Variants in NTN1 observed in about 807,000 individuals in gnomAD.
The protein encoded by NTN1 is netrin 1.
In NTN1, 11 loss-of-function variants were observed where a neutral mutation model predicts 54.2. The ratio of observed to expected loss-of-function variants is 0.20; its 90% CI spans 0.13 to 0.34. The LOEUF is 0.34. NTN1 is among the 10% of genes least tolerant of loss of function. The pLI is 1.00. For synonymous variants in NTN1, 371 were observed against 382.0 expected (o/e 0.97, Z 0.33); for missense variants, 740 against 893.1 (o/e 0.83, Z 2.18).
At chr17:9,069,740 G>A (rs2092026719) in intron 2 of NTN1, among the ~76,000 whole-genome samples, 1 of 152,142 alleles carries the variant, frequency 6.6e-6, no homozygotes, top group South Asian at 2.1e-4. Context: ...GGACAAGGTG[G>A]CAGGGGCTTC....
chr17:9,036,407 T>G, intron 2 of NTN1, among the ~76,000 whole-genome samples: 2 of 53,222 alleles, frequency 3.8e-5, no homozygotes, highest in South Asian at 7.2e-4. Flanking sequence ...TTTTTTTTTT[T>G]TTTGTAGAGA....
intron 2 of NTN1, 42 bp downstream of exon 2, chr17:9,023,433 G>C (rs1488513560): frequency 7.5e-7 from 1 of 1,342,014 alleles, no homozygotes; most frequent in Non-Finnish European, 9.5e-7. Context: ...GGGTGGGGCC[G>C]CGGGCGGGAG....
chr17:9,109,078 T>A (rs1217486409), intron 2 of NTN1, among the ~76,000 whole-genome samples: 3 of 152,162 alleles, frequency 2.0e-5, no homozygotes. Context: ...GGTTTCACCA[T>A]GTTGATCAGG....
At chr17:9,078,214 A>G (rs2092058388) in intron 2 of NTN1, among the ~76,000 whole-genome samples, 1 of 152,220 alleles carries the variant, frequency 6.6e-6, no homozygotes, top group Admixed American at 6.5e-5. Context: ...CTCACAGTCC[A>G]GTCTAGAGTT....
In NTN1 at chr17:9,221,342, G is replaced by A. The variant is rs530056890; in HGVS notation, c.1486+100G>A. The A allele has an allele frequency of 1.0e-3, 878 of 876,990 alleles. 10 individuals are homozygous for A. Among genetic ancestry groups the A allele is most frequent in the South Asian group, 4.8e-3 (359 of 75,564 alleles). 54.3% of individuals were successfully genotyped at this position (876,990 alleles called of 1,614,324 possible). On this transcript the variant is annotated intron_variant, in intron 6 of 6. Transcript: ENST00000173229. This position sits in a 1 kb window ranked among gnomAD's most constrained non-coding sequence, Gnocchi z 4.5. ...AGCTGGCCCCCGATGGGTGTTGGTCGTGAAGACCCTGTGACCGATGGGAAC... is the reference window on the plus strand; with the variant it reads ...AGCTGGCCCCCGATGGGTGTTGGTCATGAAGACCCTGTGACCGATGGGAAC...
At chr17:9,042,101 A>G (rs1444740725) in intron 2 of NTN1, among the ~76,000 whole-genome samples, 2 of 152,040 alleles carry the variant, frequency 1.3e-5, no homozygotes, top group African/African-American at 4.8e-5. Flanking sequence ...CTAGGACCCT[A>G]GAACCCACCA....
chr17:9,149,162 C>T (rs1318827976), intron 2 of NTN1, among the ~76,000 whole-genome samples: 3 of 152,060 alleles, frequency 2.0e-5, no homozygotes, highest in Non-Finnish European at 2.9e-5. Context: ...CAGGCTTGGC[C>T]GGCTTGGCTG....
rs549876098 is a variant in NTN1 at position 9,119,281 on chromosome 17, G to A, written c.1019-43532G>A. Among the ~76,000 whole-genome samples, 9 of 152,060 alleles carry A rather than the reference G, an allele frequency of 5.9e-5. No homozygotes were observed. The East Asian group carries it at 9.7e-4, about 16-fold the overall frequency. ...CGGCTCACTGCAACCTCTGCCTCCC[G>A]GGTTCAAGCAATTCTCCTGCCTCAG... is the stretch of plus-strand genomic sequence containing the variant. On this transcript the variant is annotated intron_variant, in intron 2 of 6. Coordinates refer to ENST00000173229, the MANE Select transcript of NTN1 (RefSeq NM_004822.3).
chr17:9,056,220 C>G (rs2091979051), intron 2 of NTN1, among the ~76,000 whole-genome samples: 1 of 152,206 alleles, frequency 6.6e-6, no homozygotes, highest in South Asian at 2.1e-4. Flanking sequence ...CCACACCTGG[C>G]TAATTTTTGT....
Position 9,172,293 on chromosome 17 carries a change from C to T in NTN1, c.1208-7514C>T, listed in dbSNP as rs982605791. On this transcript the variant is annotated intron_variant, in intron 3 of 6. Transcript: ENST00000173229. ...AGGGCAGATCACGAGGTCAGGAGAT[C>T]GAGACCATCCTGGGAAACATAGTGA... 1.1e-4 allele frequency among the ~76,000 whole-genome samples: 16 copies of T among 151,666 alleles called. 1 individual carries two copies. Among genetic ancestry groups the T allele is most frequent in the South Asian group, 2.1e-4 (1 of 4,794 alleles).
intron 2 of NTN1, among the ~76,000 whole-genome samples, chr17:9,075,426 G>A (rs1449302407): frequency 6.6e-6 from 1 of 152,162 alleles, no homozygotes; most frequent in Non-Finnish European, 1.5e-5. Flanking sequence ...AGGTTGTAGT[G>A]AGCCAAGATC....
chr17:9,072,574 G>A (rs1345196836), intron 2 of NTN1, among the ~76,000 whole-genome samples: 3 of 152,152 alleles, frequency 2.0e-5, no homozygotes, highest in African/African-American at 4.8e-5. Context: ...TTGCGTGCCC[G>A]CCTCGGAGAG....
chr17:9,126,367 G>A (rs553073937), intron 2 of NTN1, among the ~76,000 whole-genome samples: 89 of 152,296 alleles, frequency 5.8e-4, no homozygotes, highest in African/African-American at 1.9e-3. Flanking sequence ...AAAATTAGCC[G>A]GGCGTGGTGG....
chr17:9,200,270 C>T (rs894713587), intron 5 of NTN1, among the ~76,000 whole-genome samples: 1 of 152,224 alleles, frequency 6.6e-6, no homozygotes, highest in African/African-American at 2.4e-5. Context: ...CCCTGCTGAA[C>T]ACAAAATCCC....
intron 2 of NTN1, among the ~76,000 whole-genome samples, chr17:9,129,572 G>A (rs1367381079): frequency 2.0e-5 from 3 of 152,212 alleles, no homozygotes; most frequent in Admixed American, 1.3e-4. Context: ...CATAAGGAAA[G>A]TATAAATGAA....
intron 2 of NTN1, among the ~76,000 whole-genome samples, chr17:9,126,495 G>A (rs2092247735): frequency 6.6e-6 from 1 of 152,088 alleles, no homozygotes; most frequent in Non-Finnish European, 1.5e-5. Context: ...TGGGTGACAA[G>A]AGCGAAACTC....
intron 1 of NTN1, 50 bp from the exon 2 acceptor site, chr17:9,022,261 C>A: frequency 8.6e-7 from 1 of 1,167,258 alleles, no homozygotes; most frequent in African/African-American, 1.6e-5. Context: ...CCGCCGAGAG[C>A]TGGAGGGCGC....
At chr17:9,197,114 T>C (rs1904655399) in intron 5 of NTN1, among the ~76,000 whole-genome samples, 2 of 151,038 alleles carry the variant, frequency 1.3e-5, no homozygotes, top group African/African-American at 4.9e-5. Flanking sequence ...ATCCTGAGAG[T>C]GAAATTCAGG....
Position 9,235,945 on chromosome 17 carries a change from TGCCTGCCTCG to T in NTN1, c.1487-3690_1487-3681del, listed in dbSNP as rs1461399206. Among the ~76,000 whole-genome samples, 6 of 151,946 alleles carry T rather than the reference TGCCTGCCTCG, an allele frequency of 3.9e-5. No individual in the cohort carries two copies. The East Asian group carries it at 1.2e-3, about 29-fold the overall frequency. On this transcript the variant is annotated intron_variant, in intron 6 of 6. Transcript: ENST00000173229. ...TTTTTGTATTTTAGTAGAGACAATCTGCCTGCCTCGGCCTCCCAAAGTGCTGGGATTACAG... is the reference window on the plus strand; with the variant it reads ...TTTTTGTATTTTAGTAGAGACAATCTGCCTCCCAAAGTGCTGGGATTACAG...
Sources: gnomAD v4.1 joint callset for allele counts (sites outside exome capture counted in the v4.1 genomes callset) on GRCh38, gnomAD v4.1.1 for gene constraint, Gnocchi (gnomAD v3.1) non-coding constraint, MANE v1.5 for transcripts, NCBI Gene and HGNC (gene_info 2026-07-23, HGNC 2026-07-21) for gene names.